Variants in PICALM observed in about 807,000 individuals in gnomAD.
PICALM encodes phosphatidylinositol-binding clathrin assembly protein.
A neutral mutation model predicts 80.5 loss-of-function variants in PICALM; 40 were observed. That is an observed-to-expected ratio of 0.50 (90% CI 0.39 to 0.65). PICALM has a LOEUF of 0.65. Among genes scored for constraint, PICALM ranks in the 30% least tolerant of loss-of-function variants. The probability of loss-of-function intolerance (pLI) is 0.00; values close to 1 mark genes in which losing one functional copy is unlikely to be tolerated. For synonymous variants in PICALM, 288 were observed against 260.3 expected (o/e 1.11, Z -1.02); for missense variants, 676 against 778.9 (o/e 0.87, Z 1.57).
rs182218988 is a variant in PICALM at position 85,982,051 on chromosome 11, C to T, written c.1517-48G>A. ...ATAGAATTTGTAAGGAACTTTATGA[C>T]GCTATGGTTTTCTAAAGGAGGTCTT... On this transcript the variant is annotated intron_variant, in intron 14 of 19. Coordinates refer to ENST00000393346, the MANE Select transcript of PICALM (RefSeq NM_007166.4). The T allele has an allele frequency of 2.7e-5, 42 of 1,574,208 alleles. No homozygotes were observed. In the Admixed American group the frequency reaches 3.4e-4, roughly 13 times the overall value.
chr11:86,011,027 TA>T lies in PICALM; in HGVS notation c.765+2del. On this transcript the variant is annotated splice_donor_variant, in intron 7 of 19. Coordinates refer to ENST00000393346, the MANE Select transcript of PICALM (RefSeq NM_007166.4). LOFTEE classifies it high-confidence loss of function. ...AGGAGACAGTCACTTAAAGACAGTT[TA>T]CCTCTGCAACTTTGAGGAACTCTGA... 7.3e-7 allele frequency: 1 copy of T among 1,374,608 alleles called. No homozygotes were observed. The highest frequency in any genetic ancestry group is 1.0e-6 in the Non-Finnish European group (1 of 972,462). The allele number at this position is 1,374,608 out of a possible 1,614,324, so 85.2% of individuals were successfully genotyped here.
intron 1 of PICALM, among the ~76,000 whole-genome samples, chr11:86,050,774 A>G (rs1476808666): frequency 6.6e-6 from 1 of 152,188 alleles, no homozygotes; most frequent in Non-Finnish European, 1.5e-5. Context: ...CAGGCAACAC[A>G]TATAAGACAA....
rs530749985 is a variant in PICALM at position 86,005,537 on chromosome 11, C to G, written c.807+2005G>C. Among the ~76,000 whole-genome samples the G allele has an allele frequency of 2.6e-5, 4 of 151,954 alleles. No individual in the cohort carries two copies. The South Asian group carries it at 8.3e-4, about 32-fold the overall frequency. ...TGCGGAATATAGGGAGACCCTGTCT[C>G]CACAAAAAAATAAAAAAATTAGTTG... On this transcript the variant is annotated intron_variant, in intron 8 of 19. Transcript: ENST00000393346.
chr11:85,994,947 G>T (rs557918639), intron 12 of PICALM, among the ~76,000 whole-genome samples: 1 of 152,278 alleles, frequency 6.6e-6, no homozygotes, highest in Non-Finnish European at 1.5e-5. Flanking sequence ...CATGTGATCT[G>T]CCCACCTTGG....
intron 3 of PICALM, chr11:86,023,503 C>T (rs532269341): frequency 4.8e-5 from 47 of 984,750 alleles, no homozygotes; most frequent in Middle Eastern, 1.0e-3. Context: ...CATCCTAAGA[C>T]GGTAAACACC....
intron 19 of PICALM, among the ~76,000 whole-genome samples, chr11:85,971,792 T>C (rs945364303): frequency 6.6e-6 from 1 of 151,590 alleles, no homozygotes; most frequent in Non-Finnish European, 1.5e-5. Context: ...CAATTTTTTG[T>C]TTGTTTTGAG....
chr11:85,969,800 T>C, intron 19 of PICALM: 1 of 182,488 alleles, frequency 5.5e-6, no homozygotes, highest in South Asian at 8.6e-5. Context: ...ATTACAGACA[T>C]GAGCCACTGT....
chr11:86,032,494 C>T (rs866494252), intron 1 of PICALM, among the ~76,000 whole-genome samples: 1 of 151,934 alleles, frequency 6.6e-6, no homozygotes, highest in Admixed American at 6.6e-5. Context: ...GGCTTGGTGG[C>T]GGGCATGGGT....
intron 3 of PICALM, among the ~76,000 whole-genome samples, chr11:86,022,829 C>G (rs1002999399): frequency 2.6e-5 from 4 of 152,080 alleles, no homozygotes; most frequent in African/African-American, 9.7e-5. Context: ...TATGGAACCA[C>G]AATCCCATTC....
chr11:85,987,820 C>CA (rs2094625243), intron 13 of PICALM, among the ~76,000 whole-genome samples: 1 of 152,164 alleles, frequency 6.6e-6, no homozygotes, highest in South Asian at 2.1e-4. Flanking sequence ...ATATACCTAG[C>CA]AAAGTGCTAG....
intron 5 of PICALM, among the ~76,000 whole-genome samples, chr11:86,013,553 C>G (rs1215301839): frequency 6.6e-6 from 1 of 151,894 alleles, no homozygotes; most frequent in Non-Finnish European, 1.5e-5. Flanking sequence ...GAGTGTAGCA[C>G]TGTTTAGGAT....
At chr11:85,970,114 G>C (rs1488100702) in intron 19 of PICALM, among the ~76,000 whole-genome samples, 1 of 152,122 alleles carries the variant, frequency 6.6e-6, no homozygotes, top group African/African-American at 2.4e-5. Context: ...TAGGAACTAG[G>C]GACAGAGAAG....
At chr11:85,999,465 ACTTCTTTT>A (rs2095077940) in intron 11 of PICALM, among the ~76,000 whole-genome samples, 1 of 152,184 alleles carries the variant, frequency 6.6e-6, no homozygotes, top group Admixed American at 6.5e-5. Context: ...CCTAGGACAG[ACTTCTTTT>A]CAAGATCTCC....
chr11:85,972,886 C>G (rs2135518143), intron 19 of PICALM, among the ~76,000 whole-genome samples: 1 of 152,224 alleles, frequency 6.6e-6, no homozygotes, highest in Admixed American at 6.5e-5. Flanking sequence ...ATAGGGAAAT[C>G]ATCCATATAC....
At chr11:86,045,350 T>C (rs1033397009) in intron 1 of PICALM, among the ~76,000 whole-genome samples, 8 of 151,650 alleles carry the variant, frequency 5.3e-5, no homozygotes, top group African/African-American at 9.7e-5. Flanking sequence ...TCTTATAAGA[T>C]TCCTAGAAGG....
intron 14 of PICALM, among the ~76,000 whole-genome samples, chr11:85,983,064 T>C (rs2094489423): frequency 6.6e-6 from 1 of 152,192 alleles, no homozygotes; most frequent in South Asian, 2.1e-4. Context: ...ATAAACCTAC[T>C]AGTGCATAGA....
In PICALM at chr11:85,957,385, T is replaced by C. The variant is rs2093564471; in HGVS notation, c.*1661A>G. Among the ~76,000 whole-genome samples the C allele has an allele frequency of 6.6e-6, 1 of 152,192 alleles. No homozygotes were observed. Among genetic ancestry groups the C allele is most frequent in the African/African-American group, 2.4e-5 (1 of 41,460 alleles). On this transcript the variant is annotated 3_prime_UTR_variant, in exon 20 of 20. Coordinates refer to ENST00000393346, the MANE Select transcript of PICALM (RefSeq NM_007166.4). Reference sequence around the variant, plus strand: ...TTTCTTTGGCAGACATAATTATATGTACCAAAACATTAAACTGCGTATTTT... The same window carrying C: ...TTTCTTTGGCAGACATAATTATATGCACCAAAACATTAAACTGCGTATTTT...
chr11:86,040,995 A>C (rs1290042720), intron 1 of PICALM, among the ~76,000 whole-genome samples: 2 of 152,148 alleles, frequency 1.3e-5, no homozygotes, highest in Non-Finnish European at 2.9e-5. Context: ...TGGCAAAAAG[A>C]CCAGGCAATT....
intron 1 of PICALM, among the ~76,000 whole-genome samples, chr11:86,046,915 G>A (rs1202866636): frequency 5.9e-5 from 9 of 152,338 alleles, no homozygotes; most frequent in African/African-American, 2.2e-4. Context: ...TGGGATTACA[G>A]GCATGAGCCA....
Sources: gnomAD v4.1 joint callset for allele counts (sites outside exome capture counted in the v4.1 genomes callset) on GRCh38, gnomAD v4.1.1 for gene constraint, MANE v1.5 for transcripts, NCBI Gene and HGNC (gene_info 2026-07-23, HGNC 2026-07-21) for gene names.